ELOVL4: variants seen among roughly 807,000 people sequenced by gnomAD.
The protein encoded by ELOVL4 is very long chain fatty acid elongase 4.
In ELOVL4, 18 loss-of-function variants were observed where a neutral mutation model predicts 42.1. That is an observed-to-expected ratio of 0.43 (90% CI 0.30 to 0.63). The LOEUF is 0.63. ELOVL4 is among the 30% of genes least tolerant of loss of function. The pLI, the probability that ELOVL4 is intolerant of heterozygous loss-of-function variation, is 0.15. For synonymous variants in ELOVL4, 117 were observed against 127.0 expected (o/e 0.92, Z 0.53); for missense variants, 299 against 376.2 (o/e 0.79, Z 1.70).
intron 1 of ELOVL4, among the ~76,000 whole-genome samples, chr6:79,942,974 G>A (rs1774672115): frequency 6.6e-6 from 1 of 151,688 alleles, no homozygotes. Flanking sequence ...AGTGACCAAG[G>A]GAGATCCCAT....
rs1226589791 is a variant in ELOVL4, at chr6:79,916,218, G to C, written c.*390C>G. The C allele has an allele frequency of 4.8e-6, 1 of 208,306 alleles. No individual in the cohort carries two copies. The highest frequency in any genetic ancestry group is 9.8e-6 in the Non-Finnish European group (1 of 101,874). The allele number at this position is 208,306 out of a possible 1,614,324, so 12.9% of individuals were successfully genotyped here. ...TTTCAGTCAGTAGATAAGATAATTA[G>C]TAATTTATCAAAATAATTCATAAAG... On this transcript the variant is annotated 3_prime_UTR_variant, in exon 6 of 6. Coordinates refer to ENST00000369816, the MANE Select transcript of ELOVL4 (RefSeq NM_022726.4).
chr6:79,934,412 A>G (rs1736829800), intron 1 of ELOVL4, among the ~76,000 whole-genome samples: 1 of 152,140 alleles, frequency 6.6e-6, no homozygotes, highest in African/African-American at 2.4e-5. Flanking sequence ...GGAAATAGTT[A>G]CTTCATAGGG....
At chr6:79,917,688 G>T (rs538854529) in intron 5 of ELOVL4, among the ~76,000 whole-genome samples, 1 of 152,174 alleles carries the variant, frequency 6.6e-6, no homozygotes, top group East Asian at 1.9e-4. Context: ...AGGTGTGGTG[G>T]TCCATGACTG....
intron 1 of ELOVL4, among the ~76,000 whole-genome samples, chr6:79,946,750 T>C (rs549630559): frequency 2.0e-4 from 31 of 152,336 alleles, no homozygotes; most frequent in Non-Finnish European, 3.7e-4. Context: ...CAGCTGCCCC[T>C]GAAGCCCTCC....
intron 1 of ELOVL4, among the ~76,000 whole-genome samples, chr6:79,935,222 A>C (rs1774523430): frequency 6.6e-6 from 1 of 152,164 alleles, no homozygotes. Context: ...TATTAAAGCA[A>C]CTTCCTTAAA....
intron 1 of ELOVL4, among the ~76,000 whole-genome samples, chr6:79,940,175 C>T (rs1280542031): frequency 6.6e-6 from 1 of 152,094 alleles, no homozygotes; most frequent in African/African-American, 2.4e-5. Flanking sequence ...TTCTGCAGTT[C>T]AAAATCACAA....
intron 1 of ELOVL4, among the ~76,000 whole-genome samples, chr6:79,936,580 A>C (rs1202879160): frequency 2.0e-5 from 3 of 152,232 alleles, no homozygotes; most frequent in Non-Finnish European, 2.9e-5. Flanking sequence ...AAGAGTCTTC[A>C]AAACATTTGT....
intron 4 of ELOVL4, among the ~76,000 whole-genome samples, chr6:79,920,526 CT>C (rs1405524623): frequency 6.6e-6 from 1 of 152,152 alleles, no homozygotes; most frequent in Admixed American, 6.6e-5. Flanking sequence ...TTTTTTTAAA[CT>C]TTGGAATATT....
At chr6:79,941,673 G>A (rs942398980) in intron 1 of ELOVL4, among the ~76,000 whole-genome samples, 1 of 152,110 alleles carries the variant, frequency 6.6e-6, no homozygotes, top group Non-Finnish European at 1.5e-5. Flanking sequence ...AGCAGCCAGG[G>A]CAACATGGTG....
chr6:79,922,899 G>GA (rs556748507), intron 3 of ELOVL4, among the ~76,000 whole-genome samples: 5 of 152,100 alleles, frequency 3.3e-5, no homozygotes, highest in Non-Finnish European at 7.4e-5. Flanking sequence ...GAATTTACTT[G>GA]AAAAATATCA....
At chr6:79,933,799 T>A (rs939357169) in intron 1 of ELOVL4, among the ~76,000 whole-genome samples, 2 of 152,030 alleles carry the variant, frequency 1.3e-5, no homozygotes, top group Non-Finnish European at 2.9e-5. Flanking sequence ...CACTAGGACA[T>A]AAGAGATGAT....
intron 1 of ELOVL4, among the ~76,000 whole-genome samples, chr6:79,945,779 T>G (rs77157903): frequency 6.6e-6 from 1 of 150,810 alleles, no homozygotes; most frequent in East Asian, 1.9e-4. Flanking sequence ...GTAACATCAG[T>G]GTAATAGCGC....
intron 2 of ELOVL4, 50 bp from the exon 3 acceptor site, chr6:79,925,082 T>C (rs935886254): frequency 2.6e-6 from 3 of 1,170,186 alleles, no homozygotes; most frequent in Non-Finnish European, 1.3e-6. Flanking sequence ...AAACACAGCA[T>C]TAAAAACACA....
In ELOVL4 at chr6:79,916,208, A is replaced by G. The variant is rs1774157375; in HGVS notation, c.*400T>C. ...ACACCACTGATTTCAGTCAGTAGATAAGATAATTAGTAATTTATCAAAATA... is the reference window on the plus strand; with the variant it reads ...ACACCACTGATTTCAGTCAGTAGATGAGATAATTAGTAATTTATCAAAATA... On this transcript the variant is annotated 3_prime_UTR_variant, in exon 6 of 6. Transcript: ENST00000369816. 1 of 205,408 alleles carries G rather than the reference A, an allele frequency of 4.9e-6. No individual in the cohort carries two copies. The highest frequency in any genetic ancestry group is 5.3e-5 in the Admixed American group (1 of 18,872). 12.7% of individuals were successfully genotyped at this position (205,408 alleles called of 1,614,324 possible).
At chr6:79,934,456 C>T (rs1324932128) in intron 1 of ELOVL4, among the ~76,000 whole-genome samples, 1 of 151,896 alleles carries the variant, frequency 6.6e-6, no homozygotes, top group Non-Finnish European at 1.5e-5. Context: ...CCAAAGTATG[C>T]GAAGGTTCCT....
intron 1 of ELOVL4, among the ~76,000 whole-genome samples, chr6:79,934,442 T>G (rs1015526252): frequency 6.6e-6 from 1 of 152,112 alleles, no homozygotes; most frequent in Non-Finnish European, 1.5e-5. Flanking sequence ...GATAACTAAA[T>G]GAACCAAAGT....
Position 79,947,505 on chromosome 6 carries a change from G to A in ELOVL4, c.-226C>T. On this transcript the variant is annotated 5_prime_UTR_variant, in exon 1 of 6. Transcript: ENST00000369816. ...GTCAAGGTTCCCGGGAGAAAGACGA[G>A]GAGGTGGAGGAGGCCCAGCCGCCAG... 1.8e-6 allele frequency: 1 copy of A among 569,338 alleles called. No individual in the cohort carries two copies. Among genetic ancestry groups the A allele is most frequent in the Middle Eastern group, 4.7e-4 (1 of 2,110 alleles). 35.3% of individuals were successfully genotyped at this position (569,338 alleles called of 1,614,324 possible). A position where few individuals can be genotyped will look rare whatever the true frequency, so the allele number is the denominator to read the frequency against.
intron 1 of ELOVL4, among the ~76,000 whole-genome samples, chr6:79,941,370 T>C (rs1042736821): frequency 1.3e-5 from 2 of 152,160 alleles, no homozygotes; most frequent in Non-Finnish European, 2.9e-5. Flanking sequence ...TATACCACAC[T>C]GCCCTCCTCA....
intron 5 of ELOVL4, among the ~76,000 whole-genome samples, chr6:79,917,708 C>A (rs1437898397): frequency 1.3e-5 from 2 of 152,104 alleles, no homozygotes; most frequent in African/African-American, 4.8e-5. Context: ...GTAATCCCAG[C>A]TACTCAGGAG....
Sources: allele counts gnomAD v4.1 joint callset (sites outside exome capture counted in the v4.1 genomes callset), GRCh38; gene constraint gnomAD v4.1.1; transcripts MANE v1.5; gene names NCBI Gene and HGNC (gene_info 2026-07-23, HGNC 2026-07-21).